Variants in ARHGDIB observed in about 807,000 individuals in gnomAD.
ARHGDIB encodes the protein Rho GDP dissociation inhibitor beta.
A neutral mutation model predicts 22.6 loss-of-function variants in ARHGDIB; 20 were observed. The ratio of observed to expected loss-of-function variants is 0.88; its 90% CI spans 0.62 to 1.28. ARHGDIB has a LOEUF of 1.28. ARHGDIB is among the 50% of genes most tolerant of loss of function. ARHGDIB has a pLI of 0.00. For synonymous variants in ARHGDIB, 114 were observed against 96.1 expected (o/e 1.19, Z -1.09); for missense variants, 254 against 245.4 (o/e 1.04, Z -0.23).
At chr12:14,960,441 G>C (rs1864386953) in intron 1 of ARHGDIB, among the ~76,000 whole-genome samples, 1 of 152,028 alleles carries the variant, frequency 6.6e-6, no homozygotes, top group African/African-American at 2.4e-5. Flanking sequence ...CTCTTAATAC[G>C]TTATTTGGTG....
intron 4 of ARHGDIB, 148 bp from the exon 5 acceptor site, chr12:14,944,987 G>C: frequency 3.4e-6 from 2 of 590,090 alleles, no homozygotes. Context: ...TAATTATTTA[G>C]CATGGCTGTG....
intron 3 of ARHGDIB, among the ~76,000 whole-genome samples, 153 bp from the exon 4 acceptor site, chr12:14,948,102 A>G (rs10846090): frequency 4.1e-3 from 125 of 30,584 alleles, no homozygotes; most frequent in East Asian, 0.014. Flanking sequence ...TAGTCCTTGC[A>G]CACACACACA....
chr12:14,942,736 G>T lies in ARHGDIB; in HGVS notation c.407-15C>A. On this transcript the variant is annotated splice_polypyrimidine_tract_variant and intron_variant, in intron 5 of 5. Coordinates refer to ENST00000228945, the MANE Select transcript of ARHGDIB (RefSeq NM_001175.7). ...TGCTTTATCCACTAAGAAGAAAGAA[G>T]AGTTCATTAGGGTAAGAGCCTGATA... The T allele has an allele frequency of 1.9e-6, 3 of 1,611,914 alleles. No homozygotes were observed. The highest frequency in any genetic ancestry group is 2.2e-5 in the South Asian group (2 of 91,038).
At chr12:14,958,473 T>C (rs1179644015) in intron 1 of ARHGDIB, among the ~76,000 whole-genome samples, 3 of 152,246 alleles carry the variant, frequency 2.0e-5, no homozygotes, top group Non-Finnish European at 4.4e-5. Flanking sequence ...TTCTTGCCTG[T>C]GCATTTTTTA....
intron 3 of ARHGDIB, among the ~76,000 whole-genome samples, chr12:14,949,414 G>A (rs1279823849): frequency 1.3e-5 from 2 of 152,206 alleles, no homozygotes; most frequent in Admixed American, 1.3e-4. Flanking sequence ...CTTCCAGTAA[G>A]TTTTGTAGTG....
intron 4 of ARHGDIB, among the ~76,000 whole-genome samples, chr12:14,946,561 G>A (rs1351745323): frequency 6.6e-6 from 1 of 152,106 alleles, no homozygotes; most frequent in Non-Finnish European, 1.5e-5. Flanking sequence ...TACCCAGAGA[G>A]CCATCAAACC....
intron 1 of ARHGDIB, chr12:14,956,346 G>A (rs1864300770): frequency 6.6e-6 from 1 of 152,174 alleles, no homozygotes; most frequent in Admixed American, 6.5e-5. Flanking sequence ...GCAAAAAGAA[G>A]CCGTGGCATG....
chr12:14,942,394 T>G lies in ARHGDIB; in HGVS notation c.*128A>C. On this transcript the variant is annotated 3_prime_UTR_variant, in exon 6 of 6. Coordinates refer to ENST00000228945, the MANE Select transcript of ARHGDIB (RefSeq NM_001175.7). ...CGTTGAGTGACAGGGTGGGAAAAGA[T>G]GCATCAATAAGGAAATGTGGCAGTG... is the stretch of plus-strand genomic sequence containing the variant. The G allele has an allele frequency of 9.8e-7, 1 of 1,019,456 alleles. No homozygotes were observed. Among genetic ancestry groups the G allele is most frequent in the Non-Finnish European group, 1.5e-6 (1 of 677,884 alleles). 63.2% of individuals were successfully genotyped at this position (1,019,456 alleles called of 1,614,324 possible). A position where few individuals can be genotyped will look rare whatever the true frequency, so the allele number is the denominator to read the frequency against.
intron 5 of ARHGDIB, 56 bp downstream of exon 5, chr12:14,944,720 G>A (rs1863968330): frequency 6.5e-7 from 1 of 1,547,850 alleles, no homozygotes; most frequent in Non-Finnish European, 8.9e-7. Flanking sequence ...ATAACCAGAA[G>A]TTAAAGTATC....
chr12:14,959,193 C>A (rs186060424), intron 1 of ARHGDIB, among the ~76,000 whole-genome samples: 1 of 152,182 alleles, frequency 6.6e-6, no homozygotes, highest in Non-Finnish European at 1.5e-5. Context: ...CCAAGGCAGG[C>A]GGATTGCTTG....
rs1863907551 is a variant in ARHGDIB at position 14,942,946 on chromosome 12, A to T, written c.407-225T>A. 2.0e-5 allele frequency among the ~76,000 whole-genome samples: 3 copies of T among 151,798 alleles called. No individual in the cohort carries two copies. The South Asian group carries it at 6.2e-4, about 32-fold the overall frequency. ...TGCGGAAGCACAATCTCGGCTCACC[A>T]CAACCTCCACCTCCCAGGTTCCAGT... On this transcript the variant is annotated intron_variant, in intron 5 of 5. Transcript: ENST00000228945.
intron 1 of ARHGDIB, among the ~76,000 whole-genome samples, chr12:14,952,156 A>G (rs1864190948): frequency 6.6e-6 from 1 of 152,112 alleles, no homozygotes; most frequent in Non-Finnish European, 1.5e-5. Flanking sequence ...AAAGTCTCCC[A>G]GGAGTGAAGA....
chr12:14,960,960 T>C (rs887546901), intron 1 of ARHGDIB, among the ~76,000 whole-genome samples: 3 of 152,226 alleles, frequency 2.0e-5, no homozygotes, highest in Non-Finnish European at 4.4e-5. Context: ...ATAAAGCCCC[T>C]GCACTCTAAG....
At chr12:14,956,148 G>C (rs938798946) in intron 1 of ARHGDIB, 1 of 152,170 alleles carries the variant, frequency 6.6e-6, no homozygotes, top group Non-Finnish European at 1.5e-5. Context: ...AATAAAATTA[G>C]AGTTTGTTAG....
chr12:14,954,336 C>T (rs1483360753), intron 1 of ARHGDIB, among the ~76,000 whole-genome samples: 1 of 152,174 alleles, frequency 6.6e-6, no homozygotes, highest in East Asian at 1.9e-4. Flanking sequence ...AGAGTCATGT[C>T]CACCTGCTCA....
At position 14,949,840 on chromosome 12, in the gene ARHGDIB, C is replaced by A; in HGVS notation, c.227G>T (p.Cys76Phe). Residue 76 changes from cysteine (C) to phenylalanine (F), a missense_variant, in exon 3 of 6, where the codon TGT becomes TTT. Transcript: ENST00000228945. ...NVVVTRLTLV[C>F]ESAPGPITMD... ...GGTGATTGGTCCCGGGGCACTCTCA[C>A]AAACCAGGGTGAGCCGGGTGACAAC... is the stretch of plus-strand genomic sequence containing the variant. 6.2e-7 allele frequency: 1 copy of A among 1,613,716 alleles called. No homozygotes were observed.
At chr12:14,945,280 G>A (rs552932231) in intron 4 of ARHGDIB, among the ~76,000 whole-genome samples, 3 of 152,172 alleles carry the variant, frequency 2.0e-5, no homozygotes, top group Non-Finnish European at 2.9e-5. Context: ...CCTCAGAGAT[G>A]ATCCACTTAC....
chr12:14,949,940 G>T (rs1864129979), intron 2 of ARHGDIB, 55 bp from the exon 3 acceptor site: 1 of 1,458,318 alleles, frequency 6.9e-7, no homozygotes, highest in Non-Finnish European at 9.5e-7. Flanking sequence ...TATAGTGGGT[G>T]TGTGCATTTC....
chr12:14,958,351 C>T (rs949376328), intron 1 of ARHGDIB, among the ~76,000 whole-genome samples: 12 of 152,170 alleles, frequency 7.9e-5, no homozygotes, highest in Non-Finnish European at 1.8e-4. Flanking sequence ...AAACCAAAGA[C>T]AAGATTATTT....
Sources: gnomAD v4.1 joint callset for allele counts (sites outside exome capture counted in the v4.1 genomes callset) on GRCh38, gnomAD v4.1.1 for gene constraint, MANE v1.5 for transcripts, NCBI Gene and HGNC (gene_info 2026-07-23, HGNC 2026-07-21) for gene names.